Variants in ANKS1B observed in about 807,000 individuals in gnomAD.
ANKS1B encodes ankyrin repeat and sterile alpha motif domain containing 1B.
A neutral mutation model predicts 148.3 loss-of-function variants in ANKS1B; 36 were observed. The ratio of observed to expected loss-of-function variants is 0.24; its 90% CI spans 0.19 to 0.32. The LOEUF is 0.32. Among genes scored for constraint, ANKS1B ranks in the 10% least tolerant of loss-of-function variants. The pLI, the probability that ANKS1B is intolerant of heterozygous loss-of-function variation, is 1.00. For synonymous variants in ANKS1B, 542 were observed against 560.8 expected (o/e 0.97, Z 0.47); for missense variants, 1,157 against 1,542.6 (o/e 0.75, Z 4.19).
At chr12:99,356,808 A>C (rs1302202973) in intron 12 of ANKS1B, among the ~76,000 whole-genome samples, 1 of 152,180 alleles carries the variant, frequency 6.6e-6, no homozygotes, top group African/African-American at 2.4e-5. Context: ...GAAGCCAGTT[A>C]AGTCTATACG....
Position 99,628,863 on chromosome 12 carries a change from T to C in ANKS1B, c.1272+26204A>G, listed in dbSNP as rs141446058. Among the ~76,000 whole-genome samples, 123 of 152,304 alleles carry C rather than the reference T, an allele frequency of 8.1e-4. 1 individual carries two copies. Among genetic ancestry groups the C allele is most frequent in the African/African-American group, 2.9e-3 (121 of 41,564 alleles). On this transcript the variant is annotated intron_variant, in intron 9 of 26. Coordinates refer to ENST00000683438, the MANE Select transcript of ANKS1B (RefSeq NM_001352186.2). ...AATCCATTCATGAGGGCAGAGCCCTTGTAACCTAATCACCTCTTAATGGTC... is the reference window on the plus strand; with the variant it reads ...AATCCATTCATGAGGGCAGAGCCCTCGTAACCTAATCACCTCTTAATGGTC...
intron 4 of ANKS1B, among the ~76,000 whole-genome samples, chr12:99,790,980 G>A (rs749845240): frequency 6.6e-6 from 1 of 151,956 alleles, no homozygotes; most frequent in Non-Finnish European, 1.5e-5. Context: ...AAGACATAGA[G>A]TGGCTGAATA....
intron 14 of ANKS1B, among the ~76,000 whole-genome samples, chr12:99,229,152 T>A (rs2086427467): frequency 6.6e-6 from 1 of 151,952 alleles, no homozygotes; most frequent in African/African-American, 2.4e-5. Context: ...CAGATTTTTT[T>A]TGCATGTATG....
At chr12:98,867,960 A>G (rs538823505) in intron 17 of ANKS1B, among the ~76,000 whole-genome samples, 11 of 152,262 alleles carry the variant, frequency 7.2e-5, no homozygotes, top group African/African-American at 2.4e-4. Flanking sequence ...GCATCACCCA[A>G]CTTCGAAGCT....
intron 1 of ANKS1B, among the ~76,000 whole-genome samples, chr12:99,855,959 T>G (rs2088957536): frequency 6.6e-6 from 1 of 151,830 alleles, no homozygotes; most frequent in South Asian, 2.1e-4. Context: ...CATCAAAAAG[T>G]CTAAAGGAGC....
At chr12:99,347,665 A>C (rs966729634) in intron 12 of ANKS1B, among the ~76,000 whole-genome samples, 4 of 152,054 alleles carry the variant, frequency 2.6e-5, no homozygotes, top group African/African-American at 9.7e-5. Context: ...GTCAGTAAAA[A>C]ATTAGAAAAG....
intron 1 of ANKS1B, among the ~76,000 whole-genome samples, chr12:99,838,595 G>A (rs1198834946): frequency 1.3e-5 from 2 of 151,838 alleles, no homozygotes; most frequent in Non-Finnish European, 1.5e-5. Context: ...TCTTTCAGCC[G>A]AACTTATGGT....
At chr12:98,855,337 G>C (rs1239922380) in intron 17 of ANKS1B, among the ~76,000 whole-genome samples, 2 of 152,208 alleles carry the variant, frequency 1.3e-5, no homozygotes, top group Admixed American at 6.5e-5. Flanking sequence ...GCCATATTTA[G>C]AGGGCCAAAA....
At chr12:98,990,932 G>C (rs973440977) in intron 17 of ANKS1B, among the ~76,000 whole-genome samples, 3 of 152,202 alleles carry the variant, frequency 2.0e-5, no homozygotes, top group Non-Finnish European at 4.4e-5. Context: ...GCTTGTCCTA[G>C]TGGCAGCAGG....
intron 1 of ANKS1B, among the ~76,000 whole-genome samples, chr12:99,904,628 A>T (rs972654464): frequency 3.9e-5 from 6 of 152,152 alleles, no homozygotes; most frequent in Non-Finnish European, 7.3e-5. Context: ...TACAGTTAAG[A>T]CTCATTAGAC....
rs149706169 is a variant in ANKS1B at position 99,005,791 on chromosome 12, C to T, written c.2778+47366G>A. Among the ~76,000 whole-genome samples the T allele has an allele frequency of 3.4e-3, 519 of 152,194 alleles. 3 individuals are homozygous for T. The highest frequency in any genetic ancestry group is 0.012 in the African/African-American group (493 of 41,502). On this transcript the variant is annotated intron_variant, in intron 17 of 26. Coordinates refer to ENST00000683438, the MANE Select transcript of ANKS1B (RefSeq NM_001352186.2). ...CACAGATGGAACACACACACACACA[C>T]GCACATGCACCACTTAAAGCAGATG... is the stretch of plus-strand genomic sequence containing the variant.
chr12:99,248,056 T>C (rs1387973191), intron 12 of ANKS1B, among the ~76,000 whole-genome samples: 1 of 152,220 alleles, frequency 6.6e-6, no homozygotes, highest in Non-Finnish European at 1.5e-5. Context: ...TGAGGAATTA[T>C]ATCATCTCAT....
chr12:99,576,912 A>C (rs1311948746), intron 9 of ANKS1B, among the ~76,000 whole-genome samples: 2 of 151,802 alleles, frequency 1.3e-5, no homozygotes, highest in Non-Finnish European at 2.9e-5. Context: ...CACTCCCCTC[A>C]CTATCTCTTC....
At chr12:99,012,443 T>G (rs1251079439) in intron 17 of ANKS1B, among the ~76,000 whole-genome samples, 1 of 152,216 alleles carries the variant, frequency 6.6e-6, no homozygotes, top group African/African-American at 2.4e-5. Flanking sequence ...ACTTTATATT[T>G]TCAATTAGAC....
Position 99,085,877 on chromosome 12 carries a change from G to A in ANKS1B, c.2527-854C>T, listed in dbSNP as rs576438962. On this transcript the variant is annotated intron_variant, in intron 15 of 26. Transcript: ENST00000683438. The stretch of plus-strand genomic sequence containing the variant: ...CGCCTGTTGGAGGGTGGAGGATGGA[G>A]GAGGGAGAGGATCAGGAAAAATAAC... 6.6e-5 allele frequency among the ~76,000 whole-genome samples: 10 copies of A among 152,262 alleles called. No homozygotes were observed. In the South Asian group the frequency reaches 1.9e-3, roughly 28 times the overall value.
intron 14 of ANKS1B, chr12:99,154,834 C>T: frequency 6.6e-7 from 1 of 1,523,912 alleles, no homozygotes; most frequent in Non-Finnish European, 8.8e-7. Context: ...CTCCATGCTC[C>T]TTGCTCCCCC....
At chr12:98,837,338 G>GAAAA (rs528891920) in intron 17 of ANKS1B, among the ~76,000 whole-genome samples, 1 of 129,666 alleles carries the variant, frequency 7.7e-6, no homozygotes, top group Admixed American at 7.8e-5. Flanking sequence ...CTCTGTCTCA[G>GAAAA]AAAAAAAAAA....
intron 3 of ANKS1B, among the ~76,000 whole-genome samples, chr12:99,810,281 T>C (rs2068172667): frequency 6.6e-6 from 1 of 152,058 alleles, no homozygotes; most frequent in African/African-American, 2.4e-5. Context: ...TGAAAGTGTT[T>C]AGAACAGTGC....
intron 8 of ANKS1B, among the ~76,000 whole-genome samples, chr12:99,714,033 T>A (rs1338890328): frequency 6.6e-6 from 1 of 152,242 alleles, no homozygotes; most frequent in Non-Finnish European, 1.5e-5. Context: ...TGTACTGACA[T>A]TTATGAGTCT....
Sources: gnomAD v4.1 joint callset for allele counts (sites outside exome capture counted in the v4.1 genomes callset) on GRCh38, gnomAD v4.1.1 for gene constraint, MANE v1.5 for transcripts, NCBI Gene and HGNC (gene_info 2026-07-23, HGNC 2026-07-21) for gene names.